The following ZNF469 variants were observed in gnomAD, a reference collection of about 807,000 sequenced individuals.
ZNF469 encodes the protein zinc finger protein 469.
A neutral mutation model predicts 1.0 loss-of-function variants in ZNF469; 1 was observed. The ratio of observed to expected loss-of-function variants is 1.00; its 90% CI spans 0.35 to 4.73. ZNF469 has a LOEUF of 4.73. ZNF469 is among the 30% of genes most tolerant of loss of function. The pLI is 0.16. For synonymous variants in ZNF469, 2,703 were observed against 2,363.4 expected, an observed-to-expected ratio of 1.14 and a Z score of -4.17; for missense variants, 6,100 against 5,356.3, an observed-to-expected ratio of 1.14 and a Z score of -4.33.
chr16:88,226,419 G>A, the ZNF469 span, among the ~76,000 whole-genome samples: 1 of 152,064 alleles, frequency 6.6e-6, no homozygotes, highest in Non-Finnish European at 1.5e-5. Flanking sequence ...AGGACCCCCA[G>A]GATCGTCAGG....
At chr16:88,407,812 T>C (rs1333068329) in intron 1 of ZNF469, among the ~76,000 whole-genome samples, 1 of 152,252 alleles carries the variant, frequency 6.6e-6, no homozygotes, top group Non-Finnish European at 1.5e-5. Context: ...GCATCTCCTG[T>C]GGAGCCCTGC....
the ZNF469 span, among the ~76,000 whole-genome samples, chr16:88,214,328 G>T: frequency 6.6e-6 from 1 of 152,102 alleles, no homozygotes; most frequent in South Asian, 2.1e-4. Context: ...TCCATGTGAG[G>T]GCTGGTTAGC....
chr16:88,152,424 A>AGGCTGG, the ZNF469 span, among the ~76,000 whole-genome samples: 3 of 152,076 alleles, frequency 2.0e-5, no homozygotes. This position sits in a 1 kb window ranked among gnomAD's most constrained non-coding sequence, Gnocchi z 4.2. Flanking sequence ...GTGCTGGCCG[A>AGGCTGG]GGCTGGGGCC....
the ZNF469 span, among the ~76,000 whole-genome samples, chr16:88,231,811 C>G: frequency 6.6e-6 from 1 of 152,298 alleles, no homozygotes; most frequent in Non-Finnish European, 1.5e-5. The surrounding 1 kb of genome is among the most constrained non-coding windows in gnomAD (Gnocchi z 4.5). Flanking sequence ...TGCTCAGTCA[C>G]GTCTGCATGT....
chr16:88,154,324 A>G, the ZNF469 span, among the ~76,000 whole-genome samples: 5 of 152,178 alleles, frequency 3.3e-5, no homozygotes, highest in East Asian at 7.7e-4. Flanking sequence ...CGCCCAGCTA[A>G]TTTTTGTATT....
intron 1 of ZNF469, among the ~76,000 whole-genome samples, chr16:88,398,646 A>AG (rs57785773): frequency 0.41 from 60,554 of 148,192 alleles, 12,508 homozygotes; most frequent in Non-Finnish European, 0.45. Flanking sequence ...CCACAGATGA[A>AG]GGGGGGGTGT....
chr16:88,433,823 C>T lies in ZNF469; in HGVS notation c.6353C>T (p.Thr2118Ile), dbSNP rs2142309241. ...GDLAACAPSP[T>I]SAAHMPCSLG... ...CTGGCCGCCTGCGCCCCCTCACCCA[C>T]TTCAGCCGCCCACATGCCCTGCAGC... The change falls in exon 3 of 3, where the codon ACT becomes ATT. Residue 2118 changes from threonine to isoleucine, a missense_variant. By Grantham distance (89) the Thr-to-Ile change is moderately conservative. Coordinates refer to ENST00000565624, the MANE Select transcript of ZNF469 (RefSeq NM_001367624.2). 1 of 1,549,912 alleles carries T rather than the reference C, an allele frequency of 6.5e-7. No individual in the cohort carries two copies. The highest frequency in any genetic ancestry group is 1.2e-5 in the South Asian group (1 of 84,032).
rs1014909449 is a variant in ZNF469, at chr16:88,430,694, T to C, written c.3224T>C (p.Leu1075Pro). The C allele has an allele frequency of 2.7e-6, 4 of 1,484,768 alleles. No individual in the cohort carries two copies. Among genetic ancestry groups the C allele is most frequent in the Non-Finnish European group, 3.6e-6 (4 of 1,126,518 alleles). 92.0% of individuals were successfully genotyped at this position (1,484,768 alleles called of 1,614,324 possible). The stretch of plus-strand genomic sequence containing the variant: ...CGGCGGGCGGGCAGGTGCGGCTCCC[T>C]GGCGGCGGGGAGGCCCCGGCCCGGA... ...LGRRAGRCGS[L>P]AAGRPRPGAE... The change falls in exon 3 of 3, where the codon CTG (leucine) becomes CCG (proline). Residue 1075 changes from leucine to proline, a missense_variant. Transcript: ENST00000565624.
At chr16:88,320,036 A>T in the ZNF469 span, among the ~76,000 whole-genome samples, 971 of 152,352 alleles carry the variant, frequency 6.4e-3, 10 homozygotes, top group Admixed American at 0.014. Flanking sequence ...CCAAATGTCC[A>T]ACAGCGGGGG....
chr16:88,349,327 C>T, the ZNF469 span, among the ~76,000 whole-genome samples: 1 of 152,024 alleles, frequency 6.6e-6, no homozygotes, highest in Non-Finnish European at 1.5e-5. Context: ...ATGGGACATG[C>T]ACATGAGCAC....
the ZNF469 span, among the ~76,000 whole-genome samples, chr16:88,323,917 C>CCCCA: frequency 6.6e-6 from 1 of 152,236 alleles, no homozygotes; most frequent in African/African-American, 2.4e-5. Context: ...CCATTTCACC[C>CCCCA]CTCCCAGTTC....
chr16:88,264,916 CATGTCCTT>C, the ZNF469 span, among the ~76,000 whole-genome samples: 1 of 152,184 alleles, frequency 6.6e-6, no homozygotes, highest in Non-Finnish European at 1.5e-5. Context: ...GCCTCTCCCC[CATGTCCTT>C]CCTGTCCTCA....
chr16:88,266,914 C>T, the ZNF469 span, among the ~76,000 whole-genome samples: 1 of 152,230 alleles, frequency 6.6e-6, no homozygotes, highest in Admixed American at 6.5e-5. Flanking sequence ...TTTGTATGAT[C>T]AGTGTTTATA....
chr16:88,427,953 A>T lies in ZNF469; in HGVS notation c.483A>T (p.Pro161=), dbSNP rs1905806657. The change falls in exon 3 of 3, where the codon CCA becomes CCT. Residue 161 remains proline, a synonymous_variant. Transcript: ENST00000565624. Reference sequence around the variant, plus strand: ...CCCAGGGCCCTGGGACTGGAGCTCCACTCAGGCCGGGCCTCCCAAGGACTG... The same window carrying T: ...CCCAGGGCCCTGGGACTGGAGCTCCTCTCAGGCCGGGCCTCCCAAGGACTG... ...DTPQGPGTGA[P]LRPGLPRTEA... is the part of the protein sequence containing the mutation. 6.5e-7 allele frequency: 1 copy of T among 1,549,826 alleles called. No homozygotes were observed. Among genetic ancestry groups the T allele is most frequent in the Non-Finnish European group, 8.7e-7 (1 of 1,146,830 alleles).
the ZNF469 span, among the ~76,000 whole-genome samples, chr16:88,121,269 C>G: frequency 3.1e-3 from 463 of 151,594 alleles, 1 homozygote; most frequent in African/African-American, 0.01. Flanking sequence ...TGGTGCTCTC[C>G]TTACACTGAC....
At chr16:88,377,952 C>T in the ZNF469 span, among the ~76,000 whole-genome samples, 1 of 152,156 alleles carries the variant, frequency 6.6e-6, no homozygotes. Flanking sequence ...ACAGGGGTCA[C>T]CACAGCGTGA....
the ZNF469 span, among the ~76,000 whole-genome samples, chr16:88,320,945 C>G: frequency 2.0e-5 from 3 of 152,206 alleles, no homozygotes; most frequent in African/African-American, 7.2e-5. Context: ...GTGTCCAGTG[C>G]TCGGGAATGA....
the ZNF469 span, among the ~76,000 whole-genome samples, chr16:88,307,150 G>A: frequency 6.6e-6 from 1 of 152,200 alleles, no homozygotes; most frequent in Admixed American, 6.5e-5. Flanking sequence ...ATGTTTTCAA[G>A]GTCCCCCACA....
At chr16:88,415,994 G>A (rs1483774080) in intron 1 of ZNF469, among the ~76,000 whole-genome samples, 2 of 152,112 alleles carry the variant, frequency 1.3e-5, no homozygotes, top group African/African-American at 4.8e-5. Context: ...TCCCACCCCG[G>A]GCACTTCACT....
Sources: gnomAD v4.1 joint callset for allele counts (sites outside exome capture counted in the v4.1 genomes callset) on GRCh38, gnomAD v4.1.1 for gene constraint, Gnocchi (gnomAD v3.1) non-coding constraint, MANE v1.5 for transcripts, NCBI Gene and HGNC (gene_info 2026-07-23, HGNC 2026-07-21) for gene names.